Variants in CLTCL1 observed in about 807,000 individuals in gnomAD.
CLTCL1 encodes clathrin heavy chain 2.
Under a neutral mutation model 190.0 loss-of-function variants are expected in CLTCL1, and 159 were observed. The observed-to-expected ratio is 0.84, with a 90% CI of 0.74 to 0.95. The LOEUF is 0.95. Ranked by LOEUF, CLTCL1 falls within the 40% of genes least tolerant of loss-of-function variation. The pLI, the probability that CLTCL1 is intolerant of heterozygous loss-of-function variation, is 0.00. For missense variants in CLTCL1, 1,878 were observed against 2,033.4 expected, an observed-to-expected ratio of 0.92 and a Z score of 1.47; for synonymous variants, 752 against 769.6, an observed-to-expected ratio of 0.98 and a Z score of 0.38.
chr22:19,243,575 C>T (rs2086321248), intron 3 of CLTCL1, among the ~76,000 whole-genome samples: 1 of 152,006 alleles, frequency 6.6e-6, no homozygotes, highest in Non-Finnish European at 1.5e-5. Context: ...GCTATGACTG[C>T]AGCACTGCAC....
chr22:19,241,995 T>C (rs1408270390), intron 4 of CLTCL1, among the ~76,000 whole-genome samples: 2 of 130,718 alleles, frequency 1.5e-5, no homozygotes, highest in Non-Finnish European at 3.4e-5. Context: ...CAGGCTGGAG[T>C]GCAGTGGCGC....
intron 27 of CLTCL1, among the ~76,000 whole-genome samples, chr22:19,191,099 A>G (rs1182739870): frequency 2.6e-5 from 4 of 152,250 alleles, no homozygotes; most frequent in Non-Finnish European, 4.4e-5. Flanking sequence ...CTTTAAAAAA[A>G]CACAGAATTT....
Position 19,208,926 on chromosome 22 carries a change from C to T in CLTCL1, c.3438G>A (p.Arg1146=). ...AGGGAGAGGGGACTCACTTACTGCTCCTGCTGGCTGACTGAACAACTTCCA... is the reference window on the plus strand; with the variant it reads ...AGGGAGAGGGGACTCACTTACTGCTTCTGCTGGCTGACTGAACAACTTCCA... ...SYLEVVQSAS[R]SNNWEDLVKF... Residue 1146 remains arginine, a synonymous_variant, in exon 21 of 33, where the codon AGG becomes AGA. Coordinates refer to ENST00000427926, the MANE Select transcript of CLTCL1 (RefSeq NM_007098.4). 1 of 1,604,916 alleles carries T rather than the reference C, an allele frequency of 6.2e-7. No individual in the cohort carries two copies. The highest frequency in any genetic ancestry group is 8.5e-7 in the Non-Finnish European group (1 of 1,175,528).
At position 19,257,622 on chromosome 22, in the gene CLTCL1, G is replaced by A. The variant is rs118118409; in HGVS notation, c.251-3395C>T. 7.7e-5 allele frequency: 32 copies of A among 413,674 alleles called. No homozygotes were observed. In the East Asian group the frequency reaches 1.6e-3, roughly 21 times the overall value. 25.6% of individuals were successfully genotyped at this position (413,674 alleles called of 1,614,324 possible). A position where few individuals can be genotyped will look rare whatever the true frequency, so the allele number is the denominator to read the frequency against. The stretch of plus-strand genomic sequence containing the variant: ...TACCCGGTTGATCAGCAGTCCAGCC[G>A]GCATCTATGCAGATGTAAGGGATTT... On this transcript the variant is annotated intron_variant, in intron 2 of 32. Coordinates refer to ENST00000427926, the MANE Select transcript of CLTCL1 (RefSeq NM_007098.4).
intron 5 of CLTCL1, among the ~76,000 whole-genome samples, chr22:19,236,903 G>A (rs189127730): frequency 2.6e-5 from 4 of 152,216 alleles, no homozygotes; most frequent in Admixed American, 6.5e-5. Flanking sequence ...GTAAAGAACT[G>A]AATTTCTATC....
chr22:19,269,557 G>A (rs1170851106), intron 2 of CLTCL1, among the ~76,000 whole-genome samples: 1 of 152,184 alleles, frequency 6.6e-6, no homozygotes, highest in Non-Finnish European at 1.5e-5. Flanking sequence ...ATCAGTGATG[G>A]ACTGGAAAAT....
At chr22:19,212,654 A>G (rs2085271073) in intron 19 of CLTCL1, among the ~76,000 whole-genome samples, 1 of 148,858 alleles carries the variant, frequency 6.7e-6, no homozygotes, top group South Asian at 2.3e-4. Flanking sequence ...GAAAAAAGAA[A>G]GAAAGAAAGA....
intron 3 of CLTCL1, among the ~76,000 whole-genome samples, chr22:19,247,719 C>T (rs1213312578): frequency 6.6e-6 from 1 of 151,938 alleles, no homozygotes; most frequent in Non-Finnish European, 1.5e-5. Flanking sequence ...TGCCACAACT[C>T]TCGGCTAATT....
chr22:19,274,512 G>A (rs1156295177), intron 2 of CLTCL1, among the ~76,000 whole-genome samples: 1 of 152,024 alleles, frequency 6.6e-6, no homozygotes, highest in Admixed American at 6.6e-5. Context: ...AGATTACAAG[G>A]GAAAAGGTAG....
Position 19,229,865 on chromosome 22 carries a change from C to T in CLTCL1, c.1755G>A (p.Leu585=). The T allele has an allele frequency of 6.2e-7, 1 of 1,610,956 alleles. No homozygotes were observed. The highest frequency in any genetic ancestry group is 8.5e-7 in the Non-Finnish European group (1 of 1,178,798). The part of the protein sequence containing the change: ...PAEGLLQTWL[L]EMNLVHAPQV... ...GGGGTGCATGAACAAGGTTCATCTC[C>T]AACAGCCATGTCTGCAGGAGTCCCT... The change falls in exon 11 of 33, where the codon TTG becomes TTA. Residue 585 remains leucine, a synonymous_variant. Transcript: ENST00000427926.
chr22:19,213,623 T>G lies in CLTCL1; in HGVS notation c.3065+2488A>C, dbSNP rs182307880. ...AGAATGTAAGGCTGATGCGATGCAC[T>G]CACCAAGTTGGATGAATCTCAAAGG... On this transcript the variant is annotated intron_variant, in intron 19 of 32. Coordinates refer to ENST00000427926, the MANE Select transcript of CLTCL1 (RefSeq NM_007098.4). 6.6e-5 allele frequency among the ~76,000 whole-genome samples: 10 copies of G among 152,288 alleles called. No individual in the cohort carries two copies. In the East Asian group the frequency reaches 1.9e-3, roughly 29 times the overall value.
intron 28 of CLTCL1, 56 bp downstream of exon 28, chr22:19,187,925 A>G (rs2084366294): frequency 6.5e-7 from 1 of 1,527,158 alleles, no homozygotes; most frequent in African/African-American, 1.4e-5. Context: ...ACAGAATGGC[A>G]GTTGCAGGGG....
At chr22:19,235,342 T>A (rs1192700489) in intron 6 of CLTCL1, among the ~76,000 whole-genome samples, 3 of 152,212 alleles carry the variant, frequency 2.0e-5, no homozygotes, top group African/African-American at 7.2e-5. Context: ...GCCAAGAGTT[T>A]CTTCTTTTAA....
At chr22:19,186,613 T>A (rs1323972609) in intron 29 of CLTCL1, among the ~76,000 whole-genome samples, 2 of 151,646 alleles carry the variant, frequency 1.3e-5, no homozygotes, top group South Asian at 2.1e-4. Context: ...TCCTTTTTTT[T>A]TTTCCGAGAC....
In CLTCL1 at chr22:19,291,718, G is replaced by C. The variant is rs1601765387; in HGVS notation, c.-77C>G. ...GACCCCTCGCGCGGGCTGACCGGTG[G>C]CGACGGCGCAGGCGCAGTGCCCCGA... On this transcript the variant is annotated 5_prime_UTR_variant, in exon 1 of 33. Coordinates refer to ENST00000427926, the MANE Select transcript of CLTCL1 (RefSeq NM_007098.4). 10 of 1,282,128 alleles carry C rather than the reference G, an allele frequency of 7.8e-6. 1 individual carries two copies. In the East Asian group the frequency reaches 2.9e-4, roughly 37 times the overall value. The allele number at this position is 1,282,128 out of a possible 1,614,324, so 79.4% of individuals were successfully genotyped here.
chr22:19,195,828 G>A (rs1227300277), intron 26 of CLTCL1, among the ~76,000 whole-genome samples: 1 of 152,076 alleles, frequency 6.6e-6, no homozygotes, highest in Non-Finnish European at 1.5e-5. Flanking sequence ...AGACAGGTAA[G>A]GCCGCTGGTG....
At chr22:19,288,501 T>C (rs1352399426) in intron 1 of CLTCL1, among the ~76,000 whole-genome samples, 1 of 152,206 alleles carries the variant, frequency 6.6e-6, no homozygotes, top group Non-Finnish European at 1.5e-5. Context: ...ACAACTACCT[T>C]GTGAGATAAG....
intron 10 of CLTCL1, among the ~76,000 whole-genome samples, chr22:19,231,664 ATAAT>A (rs1555959172): frequency 6.6e-6 from 1 of 152,230 alleles, no homozygotes; most frequent in African/African-American, 2.4e-5. Context: ...AATAAATTTA[ATAAT>A]TGTTTTTGAA....
At chr22:19,267,895 C>CA (rs570026830) in intron 2 of CLTCL1, among the ~76,000 whole-genome samples, 1,987 of 115,034 alleles carry the variant, frequency 0.017, 22 homozygotes, top group Non-Finnish European at 0.016. Flanking sequence ...GACTCTGTCT[C>CA]AAAAAAAAAA....
Sources: allele counts gnomAD v4.1 joint callset (sites outside exome capture counted in the v4.1 genomes callset), GRCh38; gene constraint gnomAD v4.1.1; transcripts MANE v1.5; gene names NCBI Gene and HGNC (gene_info 2026-07-23, HGNC 2026-07-21).